GAS7: variants seen among roughly 807,000 people sequenced by gnomAD.
GAS7 encodes growth arrest-specific protein 7.
Under a neutral mutation model 71.1 loss-of-function variants are expected in GAS7, and 28 were observed. That is an observed-to-expected ratio of 0.39 (90% confidence interval 0.29 to 0.54). GAS7 has a LOEUF of 0.54. Among genes scored for constraint, GAS7 ranks in the 20% least tolerant of loss-of-function variants. The pLI is 0.62. For missense variants in GAS7, 436 were observed against 627.8 expected (o/e 0.69, Z 3.27); for synonymous variants, 258 against 245.8 (o/e 1.05, Z -0.46).
chr17:10,131,186 C>G (rs927683396), intron 1 of GAS7, among the ~76,000 whole-genome samples: 4 of 152,192 alleles, frequency 2.6e-5, no homozygotes, highest in African/African-American at 9.6e-5. Context: ...ATCTAGACCT[C>G]GAAGAGCAGC....
At chr17:10,139,723 C>T (rs1277605564) in intron 1 of GAS7, among the ~76,000 whole-genome samples, 1 of 152,180 alleles carries the variant, frequency 6.6e-6, no homozygotes, top group African/African-American at 2.4e-5. Flanking sequence ...TTCTGCTTAG[C>T]GTAGACCACA....
intron 4 of GAS7, among the ~76,000 whole-genome samples, chr17:9,966,318 C>G (rs1227709648): frequency 6.6e-6 from 1 of 152,018 alleles, no homozygotes; most frequent in African/African-American, 2.4e-5. Flanking sequence ...AAATTCTAAT[C>G]TTCCTGATCA....
intron 2 of GAS7, among the ~76,000 whole-genome samples, chr17:9,995,097 G>A (rs897657594): frequency 3.3e-5 from 5 of 152,190 alleles, no homozygotes; most frequent in South Asian, 2.1e-4. Flanking sequence ...TCACAGTATC[G>A]TCTCTGCCCT....
intron 4 of GAS7, among the ~76,000 whole-genome samples, chr17:9,964,641 C>G (rs2069633325): frequency 6.6e-6 from 1 of 152,182 alleles, no homozygotes; most frequent in African/African-American, 2.4e-5. Context: ...GGTATCTTTT[C>G]TTAAGGTACC....
chr17:9,982,866 A>AAAGAAAGC (rs1173313108), intron 2 of GAS7, among the ~76,000 whole-genome samples: 282 of 144,620 alleles, frequency 1.9e-3, no homozygotes, highest in East Asian at 4.0e-3. Context: ...AGAAAGAAAG[A>AAAGAAAGC]AAGCAAAGAA....
intron 8 of GAS7, among the ~76,000 whole-genome samples, chr17:9,937,807 T>C (rs1299099471): frequency 6.6e-6 from 1 of 152,150 alleles, no homozygotes; most frequent in Non-Finnish European, 1.5e-5. Flanking sequence ...TCACTCCCCC[T>C]TGGAGAAGGA....
chr17:10,093,881 C>T (rs568289013), intron 1 of GAS7, among the ~76,000 whole-genome samples: 1 of 152,194 alleles, frequency 6.6e-6, no homozygotes, highest in South Asian at 2.1e-4. Context: ...ATTTTAAATC[C>T]TTTGCTGGTT....
At chr17:10,184,333 T>C (rs1273257440) in intron 1 of GAS7, among the ~76,000 whole-genome samples, 1 of 152,166 alleles carries the variant, frequency 6.6e-6, no homozygotes, top group Non-Finnish European at 1.5e-5. Flanking sequence ...GAAACTCCTC[T>C]GGTCAAACAG....
intron 1 of GAS7, among the ~76,000 whole-genome samples, chr17:10,090,564 A>C (rs2073571407): frequency 8.3e-6 from 1 of 120,782 alleles, no homozygotes; most frequent in Non-Finnish European, 1.8e-5. Flanking sequence ...GAACTCTTTC[A>C]AACTCCATCA....
chr17:10,101,308 TTTG>T (rs1353228534), intron 1 of GAS7, among the ~76,000 whole-genome samples: 1 of 152,236 alleles, frequency 6.6e-6, no homozygotes, highest in Non-Finnish European at 1.5e-5. Context: ...TGTTGAGGCA[TTTG>T]TTAGTTTCTT....
chr17:10,015,706 C>T (rs558205240), intron 2 of GAS7, among the ~76,000 whole-genome samples: 5 of 152,236 alleles, frequency 3.3e-5, no homozygotes, highest in Admixed American at 6.5e-5. Context: ...CTTAGACTGC[C>T]GAGCAAAATT....
intron 2 of GAS7, among the ~76,000 whole-genome samples, chr17:10,001,791 T>C (rs981881480): frequency 5.3e-5 from 8 of 152,158 alleles, no homozygotes; most frequent in African/African-American, 1.9e-4. Flanking sequence ...AGTCCCTCTT[T>C]TCTGCAGCTT....
chr17:9,921,598 CAG>C (rs1567773021), intron 11 of GAS7, among the ~76,000 whole-genome samples: 1 of 152,170 alleles, frequency 6.6e-6, no homozygotes, highest in African/African-American at 2.4e-5. Flanking sequence ...CTCTCTATGG[CAG>C]CCCAAGAGCT....
At chr17:10,005,338 CACACACACAT>C (rs944787247) in intron 2 of GAS7, among the ~76,000 whole-genome samples, 234 of 151,474 alleles carry the variant, frequency 1.5e-3, no homozygotes, top group African/African-American at 5.4e-3. Flanking sequence ...TACACACACA[CACACACACAT>C]ATATATATAT....
At position 10,074,131 on chromosome 17, in the gene GAS7, G is replaced by A. The variant is rs140213956; in HGVS notation, c.184-54234C>T. Among the ~76,000 whole-genome samples the A allele has an allele frequency of 5.9e-5, 9 of 152,306 alleles. No individual in the cohort carries two copies. In the East Asian group the frequency reaches 1.7e-3, roughly 29 times the overall value. On this transcript the variant is annotated intron_variant, in intron 1 of 13. Coordinates refer to ENST00000432992, the MANE Select transcript of GAS7 (RefSeq NM_201433.2). ...ATGCAACGATAACAGGAGAAAGCAG[G>A]TGCTGAGAAAGGAGTGGGCGTCCAG...
chr17:10,059,107 A>G (rs72809315), intron 1 of GAS7, among the ~76,000 whole-genome samples: 16,397 of 152,282 alleles, frequency 0.11, 1,059 homozygotes, highest in East Asian at 0.17. Context: ...TCAGAAGACC[A>G]GTGTGGACCT....
chr17:10,045,651 C>T (rs755814708), intron 1 of GAS7, among the ~76,000 whole-genome samples: 11 of 152,240 alleles, frequency 7.2e-5, no homozygotes, highest in Admixed American at 2.6e-4. Context: ...GAGCTGAGAT[C>T]GCGCCATTGC....
chr17:10,092,064 C>T (rs889440642), intron 1 of GAS7, among the ~76,000 whole-genome samples: 1 of 152,188 alleles, frequency 6.6e-6, no homozygotes, highest in African/African-American at 2.4e-5. Context: ...AACAGTCTCC[C>T]CCGTTTCTCC....
chr17:10,170,921 A>C (rs993282727), intron 1 of GAS7, among the ~76,000 whole-genome samples: 7 of 152,210 alleles, frequency 4.6e-5, no homozygotes, highest in Non-Finnish European at 1.0e-4. Flanking sequence ...CAGATCCCTG[A>C]ACAACTCAAA....
Sources: allele counts gnomAD v4.1 joint callset (sites outside exome capture counted in the v4.1 genomes callset), GRCh38; gene constraint gnomAD v4.1.1; transcripts MANE v1.5; gene names NCBI Gene and HGNC (gene_info 2026-07-23, HGNC 2026-07-21).